TMCO4: variants seen among roughly 807,000 people sequenced by gnomAD.
The protein encoded by TMCO4 is transmembrane and coiled-coil domain-containing protein 4.
A neutral mutation model predicts 64.7 loss-of-function variants in TMCO4; 58 were observed. The observed-to-expected ratio is 0.90, with a 90% CI of 0.73 to 1.12. The LOEUF is 1.12. Among genes scored for constraint, TMCO4 ranks in the 50% most tolerant of loss-of-function variants. The pLI is 0.00. For synonymous variants in TMCO4, 325 were observed against 346.1 expected (o/e 0.94, Z 0.68); for missense variants, 780 against 825.9 (o/e 0.94, Z 0.68).
intron 10 of TMCO4, among the ~76,000 whole-genome samples, chr1:19,745,189 T>C (rs1444060982): frequency 1.3e-5 from 2 of 148,868 alleles, no homozygotes; most frequent in Non-Finnish European, 3.0e-5. Flanking sequence ...GGTAGACAGG[T>C]AGAAGAGTAG....
At chr1:19,738,019 G>A (rs1389001398) in intron 12 of TMCO4, among the ~76,000 whole-genome samples, 2 of 152,246 alleles carry the variant, frequency 1.3e-5, no homozygotes, top group Non-Finnish European at 2.9e-5. Context: ...CTGACTCAAG[G>A]ACTTGTAAGA....
At chr1:19,782,457 G>A (rs2043535666) in intron 3 of TMCO4, among the ~76,000 whole-genome samples, 1 of 152,186 alleles carries the variant, frequency 6.6e-6, no homozygotes, top group South Asian at 2.1e-4. Flanking sequence ...CTTGACCTGG[G>A]TGGTCATCAT....
chr1:19,730,602 C>T (rs947040621), intron 13 of TMCO4, among the ~76,000 whole-genome samples: 1 of 152,200 alleles, frequency 6.6e-6, no homozygotes, highest in African/African-American at 2.4e-5. Flanking sequence ...CCACACTGAG[C>T]TTGAGGGAAG....
chr1:19,707,856 G>T (rs1570700379), intron 13 of TMCO4, among the ~76,000 whole-genome samples: 1 of 152,324 alleles, frequency 6.6e-6, no homozygotes, highest in Middle Eastern at 3.4e-3. Flanking sequence ...AGGTGAAGGG[G>T]AAGCAAGCTT....
At chr1:19,790,043 G>C (rs2043950889) in intron 2 of TMCO4, among the ~76,000 whole-genome samples, 1 of 144,792 alleles carries the variant, frequency 6.9e-6, no homozygotes, top group Non-Finnish European at 1.5e-5. Flanking sequence ...ACAACAGAGT[G>C]AGACTCTGCC....
chr1:19,720,808 A>T (rs1299572574), intron 13 of TMCO4, among the ~76,000 whole-genome samples: 1 of 152,168 alleles, frequency 6.6e-6, no homozygotes, highest in Non-Finnish European at 1.5e-5. Flanking sequence ...ATTAAATCAC[A>T]GGTACTGGGT....
chr1:19,700,664 G>T, intron 14 of TMCO4, 104 bp downstream of exon 14: 2 of 1,082,962 alleles, frequency 1.8e-6, no homozygotes, highest in Non-Finnish European at 2.7e-6. Flanking sequence ...GATCTTCCAG[G>T]ACAGGGATTA....
intron 2 of TMCO4, among the ~76,000 whole-genome samples, chr1:19,790,766 T>C (rs1039190184): frequency 1.3e-5 from 2 of 152,236 alleles, no homozygotes; most frequent in African/African-American, 4.8e-5. Context: ...CTCAAAGATC[T>C]AGAACCGGAA....
At chr1:19,749,340 T>C (rs1429718203) in intron 7 of TMCO4, among the ~76,000 whole-genome samples, 2 of 152,142 alleles carry the variant, frequency 1.3e-5, no homozygotes, top group Non-Finnish European at 2.9e-5. Context: ...GGAGGTGATA[T>C]GTGTCACTTC....
At chr1:19,792,219 C>T (rs1247792453) in intron 2 of TMCO4, among the ~76,000 whole-genome samples, 3 of 152,188 alleles carry the variant, frequency 2.0e-5, no homozygotes, top group African/African-American at 7.2e-5. Flanking sequence ...CCATACTTAA[C>T]CTAGAAGAGG....
chr1:19,745,115 G>A (rs2041707692), intron 10 of TMCO4, among the ~76,000 whole-genome samples: 4 of 151,686 alleles, frequency 2.6e-5, no homozygotes, highest in Non-Finnish European at 5.9e-5. Flanking sequence ...TGCATGGATA[G>A]ATAGGTAGAA....
intron 7 of TMCO4, among the ~76,000 whole-genome samples, chr1:19,753,778 G>T (rs890889368): frequency 6.6e-6 from 1 of 152,174 alleles, no homozygotes; most frequent in Non-Finnish European, 1.5e-5. Flanking sequence ...CTGGGTCTCA[G>T]ATCCTTCCAG....
At chr1:19,698,460 C>T (rs2100598415) in intron 14 of TMCO4, among the ~76,000 whole-genome samples, 1 of 152,312 alleles carries the variant, frequency 6.6e-6, no homozygotes, top group Middle Eastern at 3.4e-3. Context: ...AGCTAGCTTC[C>T]AGAAGGTTCG....
intron 13 of TMCO4, among the ~76,000 whole-genome samples, chr1:19,702,808 T>C (rs2095281622): frequency 1.3e-5 from 2 of 148,490 alleles, no homozygotes; most frequent in African/African-American, 4.9e-5. Flanking sequence ...CCAATTGTTC[T>C]GTAAGTACAG....
chr1:19,771,762 T>C (rs923886198), intron 4 of TMCO4, among the ~76,000 whole-genome samples: 1 of 152,182 alleles, frequency 6.6e-6, no homozygotes, highest in Admixed American at 6.5e-5. Flanking sequence ...GTTCAAGTGA[T>C]TCTCCTGCCT....
intron 13 of TMCO4, among the ~76,000 whole-genome samples, chr1:19,733,772 A>G (rs560332841): frequency 6.6e-6 from 1 of 152,300 alleles, no homozygotes; most frequent in Admixed American, 6.5e-5. Flanking sequence ...AAAGATGTTC[A>G]AGGAAGAATG....
intron 15 of TMCO4, among the ~76,000 whole-genome samples, chr1:19,692,073 T>C (rs1202790920): frequency 6.6e-6 from 1 of 152,206 alleles, no homozygotes; most frequent in Non-Finnish European, 1.5e-5. Context: ...TCTTGGTATG[T>C]CTTTATCAGC....
At chr1:19,727,460 G>A (rs777262714) in intron 13 of TMCO4, among the ~76,000 whole-genome samples, 11 of 152,192 alleles carry the variant, frequency 7.2e-5, no homozygotes, top group Non-Finnish European at 1.5e-4. Context: ...GCTCTGTGAG[G>A]TTGGTGCTAT....
chr1:19,735,466 A>G (rs2100816831), intron 13 of TMCO4, among the ~76,000 whole-genome samples: 1 of 152,314 alleles, frequency 6.6e-6, no homozygotes, highest in East Asian at 1.9e-4. Context: ...AGCAGCGAGC[A>G]GGAAAGATGC....
Sources: allele counts gnomAD v4.1 joint callset (sites outside exome capture counted in the v4.1 genomes callset), GRCh38; gene constraint gnomAD v4.1.1; transcripts MANE v1.5; gene names NCBI Gene and HGNC (gene_info 2026-07-23, HGNC 2026-07-21).